The following WAPL variants were observed in gnomAD, a reference collection of about 807,000 sequenced individuals.
WAPL encodes wings apart-like protein homolog.
Under a neutral mutation model 121.0 loss-of-function variants are expected in WAPL, and 5 were observed. The ratio of observed to expected loss-of-function variants is 0.04; its 90% CI spans 0.02 to 0.09. WAPL has a LOEUF of 0.09. WAPL is among the 10% of genes least tolerant of loss of function. WAPL has a pLI of 1.00. For synonymous variants in WAPL, 480 were observed against 481.5 expected, an observed-to-expected ratio of 1.00 and a Z score of 0.04; for missense variants, 999 against 1,410.8, an observed-to-expected ratio of 0.71 and a Z score of 4.68.
At chr10:86,438,041 G>A in intron 17 of WAPL, 26 bp from the exon 18 acceptor site, 6 of 1,563,118 alleles carry the variant, frequency 3.8e-6, no homozygotes, top group Non-Finnish European at 5.3e-6. Flanking sequence ...AAGAAATATT[G>A]GTCAGCTGGC....
At position 86,521,733 on chromosome 10, in the gene WAPL, C is replaced by G. The variant is rs764127632; in HGVS notation, c.-391G>C. The G allele has an allele frequency of 1.6e-5, 7 of 450,458 alleles. No homozygotes were observed. The highest frequency in any genetic ancestry group is 2.7e-5 in the Non-Finnish European group (6 of 218,716). The allele number at this position is 450,458 out of a possible 1,614,324, so 27.9% of individuals were successfully genotyped here. Reference sequence around the variant, plus strand: ...GTTTGAACAGGGCCCTGAACCATCTCAACGCCATTTGCGCTCCCGGCCCCC... The same window carrying G: ...GTTTGAACAGGGCCCTGAACCATCTGAACGCCATTTGCGCTCCCGGCCCCC... On this transcript the variant is annotated 5_prime_UTR_variant, in exon 1 of 19. Transcript: ENST00000298767.
At chr10:86,465,046 A>G (rs1046632578) in intron 9 of WAPL, among the ~76,000 whole-genome samples, 42 of 152,220 alleles carry the variant, frequency 2.8e-4, no homozygotes, top group African/African-American at 8.4e-4. Context: ...ATCTATTACC[A>G]CCTCTACCTT....
At chr10:86,499,536 T>C (rs1842206437) in intron 3 of WAPL, among the ~76,000 whole-genome samples, 182 bp downstream of exon 3, 1 of 152,192 alleles carries the variant, frequency 6.6e-6, no homozygotes, top group African/African-American at 2.4e-5. Context: ...TGACTAAGAA[T>C]AGAACAATGA....
At chr10:86,497,399 T>C (rs912925270) in intron 3 of WAPL, 80 bp from the exon 4 acceptor site, 6 of 994,734 alleles carry the variant, frequency 6.0e-6, no homozygotes, top group Middle Eastern at 2.1e-4. Context: ...TATATATACA[T>C]GAATGAATGA....
At chr10:86,461,945 C>G (rs1841285954) in intron 9 of WAPL, among the ~76,000 whole-genome samples, 1 of 152,110 alleles carries the variant, frequency 6.6e-6, no homozygotes, top group Admixed American at 6.6e-5. Flanking sequence ...TGCAGACTGA[C>G]TAGTTTTTAA....
Position 86,446,249 on chromosome 10 carries a change from G to A in WAPL, c.3315C>T (p.Leu1105=). ...CATTCAAAGTAAATATACCTTTATT[G>A]AGGTCAAGTTCTTCATCCTCCTCCT... is the stretch of plus-strand genomic sequence containing the variant. ...KKEEEDEELD[L]NKALQHAGKH... Residue 1105 remains leucine, a synonymous_variant, in exon 16 of 19, where the codon CTC becomes CTT. Transcript: ENST00000298767. 6.2e-7 allele frequency: 1 copy of A among 1,613,988 alleles called. No homozygotes were observed. Among genetic ancestry groups the A allele is most frequent in the Non-Finnish European group, 8.5e-7 (1 of 1,179,962 alleles).
At chr10:86,496,076 C>T (rs1261907552) in intron 4 of WAPL, among the ~76,000 whole-genome samples, 2 of 152,040 alleles carry the variant, frequency 1.3e-5, no homozygotes, top group Admixed American at 6.5e-5. Context: ...ATTGTGCTAC[C>T]GCACTCCAGC....
chr10:86,481,176 TATAAAC>T (rs1841774724), intron 4 of WAPL, among the ~76,000 whole-genome samples: 1 of 151,858 alleles, frequency 6.6e-6, no homozygotes, highest in Admixed American at 6.6e-5. Flanking sequence ...ATTTAAAAGA[TATAAAC>T]AGTCAACATG....
At chr10:86,475,217 T>C (rs1841624578) in intron 4 of WAPL, among the ~76,000 whole-genome samples, 1 of 152,180 alleles carries the variant, frequency 6.6e-6, no homozygotes, top group South Asian at 2.1e-4. Flanking sequence ...AAGAGAAAAC[T>C]GCATAATTAC....
rs2132193006 is a variant in WAPL at position 86,472,374 on chromosome 10, T to G, written c.1894-30A>C. 1 of 1,585,346 alleles carries G rather than the reference T, an allele frequency of 6.3e-7. No individual in the cohort carries two copies. Among genetic ancestry groups the G allele is most frequent in the East Asian group, 2.2e-5 (1 of 44,572 alleles). ...CAAGAAAAAAAAAGTTCACCCCTTT[T>G]TAACTAGGAACTAGCATATTTAAAT... On this transcript the variant is annotated intron_variant, in intron 6 of 18. Transcript: ENST00000298767. This position sits in a 1 kb window ranked among gnomAD's most constrained non-coding sequence, Gnocchi z 4.2.
chr10:86,509,613 T>G (rs12784670), intron 2 of WAPL, among the ~76,000 whole-genome samples: 2,895 of 152,250 alleles, frequency 0.019, 74 homozygotes, highest in African/African-American at 0.052. Flanking sequence ...ACTAAAATAA[T>G]AGCTGGAAGG....
chr10:86,454,537 C>T (rs1302973753), intron 12 of WAPL, among the ~76,000 whole-genome samples: 2 of 152,264 alleles, frequency 1.3e-5, no homozygotes, highest in African/African-American at 2.4e-5. Context: ...GCCGCCACAC[C>T]TGACTGGTTT....
chr10:86,468,525 T>C (rs760070105), intron 8 of WAPL, among the ~76,000 whole-genome samples: 33 of 152,050 alleles, frequency 2.2e-4, no homozygotes, highest in Non-Finnish European at 4.1e-4. Flanking sequence ...CAGATAGTCA[T>C]ATTTCAGTTT....
chr10:86,462,228 C>G (rs1489995668), intron 9 of WAPL, among the ~76,000 whole-genome samples: 1 of 152,184 alleles, frequency 6.6e-6, no homozygotes, highest in Non-Finnish European at 1.5e-5. Context: ...CTAGCAAAGA[C>G]TGACAAGATC....
At chr10:86,483,689 C>G (rs1443516124) in intron 4 of WAPL, among the ~76,000 whole-genome samples, 2 of 138,874 alleles carry the variant, frequency 1.4e-5, no homozygotes, top group Non-Finnish European at 3.0e-5. Flanking sequence ...TCCAGTGGCA[C>G]AAGATGTGGA....
rs1421496274 is a variant in WAPL at position 86,448,902 on chromosome 10, A to G, written c.3115-2453T>C. ...AGTGCTGGGATTACAGATTACAGGCATGAGCCACCATGTCTGGCCTGCACA... is the reference window on the plus strand; with the variant it reads ...AGTGCTGGGATTACAGATTACAGGCGTGAGCCACCATGTCTGGCCTGCACA... On this transcript the variant is annotated intron_variant, in intron 15 of 18. Transcript: ENST00000298767. Among the ~76,000 whole-genome samples the G allele has an allele frequency of 2.0e-5, 3 of 152,258 alleles. No homozygotes were observed. The South Asian group carries it at 6.2e-4, about 31-fold the overall frequency.
chr10:86,502,960 C>A (rs1488996274), intron 2 of WAPL, among the ~76,000 whole-genome samples: 2 of 151,340 alleles, frequency 1.3e-5, no homozygotes, highest in African/African-American at 4.9e-5. Flanking sequence ...GAGTTCGAGG[C>A]CAGCCTGGCC....
chr10:86,463,297 G>C (rs1436644463), intron 9 of WAPL, among the ~76,000 whole-genome samples: 1 of 152,124 alleles, frequency 6.6e-6, no homozygotes, highest in Admixed American at 6.6e-5. Flanking sequence ...TCAAGGCAGT[G>C]GGGGGGACCC....
intron 15 of WAPL, among the ~76,000 whole-genome samples, chr10:86,448,533 AG>A (rs1840893012): frequency 6.6e-6 from 1 of 152,256 alleles, no homozygotes; most frequent in African/African-American, 2.4e-5. Flanking sequence ...TGAAGAGCTC[AG>A]GAAGACACAT....
Sources: allele counts gnomAD v4.1 joint callset (sites outside exome capture counted in the v4.1 genomes callset), GRCh38; gene constraint gnomAD v4.1.1; non-coding constraint Gnocchi (gnomAD v3.1); transcripts MANE v1.5; gene names NCBI Gene and HGNC (gene_info 2026-07-23, HGNC 2026-07-21).